Variants in PKP4 observed in about 807,000 individuals in gnomAD.
The protein encoded by PKP4 is plakophilin 4.
In PKP4, 90 loss-of-function variants were observed where a neutral mutation model predicts 145.1. The ratio of observed to expected loss-of-function variants is 0.62; its 90% CI spans 0.52 to 0.74. PKP4 has a LOEUF of 0.74. Among genes scored for constraint, PKP4 ranks in the 30% least tolerant of loss-of-function variants. The probability of loss-of-function intolerance (pLI) is 0.00; values close to 1 mark genes in which losing one functional copy is unlikely to be tolerated. For synonymous variants in PKP4, 563 were observed against 577.2 expected (o/e 0.98, Z 0.35); for missense variants, 1,340 against 1,482.7 (o/e 0.90, Z 1.58).
At chr2:158,561,793 C>CTTTTTTT (rs758042959) in intron 2 of PKP4, among the ~76,000 whole-genome samples, 12 of 145,274 alleles carry the variant, frequency 8.3e-5, no homozygotes, top group Admixed American at 1.4e-4. Context: ...TCAAGTCAGT[C>CTTTTTTT]TTTTTTTTTT....
At chr2:158,533,751 G>T (rs1255462576) in intron 2 of PKP4, among the ~76,000 whole-genome samples, 1 of 152,162 alleles carries the variant, frequency 6.6e-6, no homozygotes, top group African/African-American at 2.4e-5. Context: ...GGCTATATTT[G>T]TGTGTTTGTC....
At chr2:158,661,143 A>G (rs907413877) in intron 12 of PKP4, 190 bp from the exon 13 acceptor site, 2 of 510,032 alleles carry the variant, frequency 3.9e-6, no homozygotes, top group Non-Finnish European at 3.6e-6. Flanking sequence ...GTTCCCTTCC[A>G]TGTGTGGATA....
chr2:158,547,408 A>G (rs2045168152), intron 2 of PKP4, among the ~76,000 whole-genome samples: 1 of 152,228 alleles, frequency 6.6e-6, no homozygotes, highest in Admixed American at 6.5e-5. Flanking sequence ...GCCAAACATA[A>G]AAGAGTACGT....
At chr2:158,678,733 G>T in intron 21 of PKP4, 79 bp downstream of exon 21, 2 of 935,956 alleles carry the variant, frequency 2.1e-6, no homozygotes, top group African/African-American at 1.6e-5. Context: ...TGACTTCCCA[G>T]AGCTGGGCCA....
At chr2:158,606,261 C>T (rs751832905) in intron 4 of PKP4, among the ~76,000 whole-genome samples, 7 of 151,962 alleles carry the variant, frequency 4.6e-5, no homozygotes, top group Non-Finnish European at 1.0e-4. Flanking sequence ...ATGGTGTGAA[C>T]CCGAGAGGCA....
intron 1 of PKP4, among the ~76,000 whole-genome samples, chr2:158,476,333 GTTTTA>G (rs942593758): frequency 6.6e-6 from 1 of 151,996 alleles, no homozygotes; most frequent in Non-Finnish European, 1.5e-5. Flanking sequence ...TGATTTTTAA[GTTTTA>G]TTTTATTTTT....
chr2:158,577,521 T>G (rs1405153006), intron 3 of PKP4, 138 bp downstream of exon 3: 1 of 616,274 alleles, frequency 1.6e-6, no homozygotes, highest in Non-Finnish European at 2.9e-6. Flanking sequence ...AATGTCCATT[T>G]ATTCTAATTT....
chr2:158,654,565 C>A (rs755814802), intron 11 of PKP4, among the ~76,000 whole-genome samples: 1 of 152,092 alleles, frequency 6.6e-6, no homozygotes, highest in African/African-American at 2.4e-5. Flanking sequence ...TGTGACTTTT[C>A]CGATTCTGGG....
chr2:158,634,793 A>G (rs1313721770), intron 9 of PKP4, among the ~76,000 whole-genome samples: 1 of 152,208 alleles, frequency 6.6e-6, no homozygotes, highest in East Asian at 1.9e-4. Context: ...GACATTTAGG[A>G]GAAGACAGTC....
intron 3 of PKP4, among the ~76,000 whole-genome samples, chr2:158,602,416 A>G (rs1296982591): frequency 6.6e-6 from 1 of 152,194 alleles, no homozygotes; most frequent in South Asian, 2.1e-4. Flanking sequence ...TTGTTCCTGT[A>G]TTCTGCTACA....
intron 2 of PKP4, among the ~76,000 whole-genome samples, chr2:158,556,500 T>C (rs2046100921): frequency 6.7e-6 from 1 of 149,562 alleles, no homozygotes; most frequent in Non-Finnish European, 1.5e-5. Flanking sequence ...GATAGATAAA[T>C]GAAGCATTGT....
intron 2 of PKP4, among the ~76,000 whole-genome samples, chr2:158,570,424 C>A (rs1217701028): frequency 6.6e-6 from 1 of 152,180 alleles, no homozygotes; most frequent in Non-Finnish European, 1.5e-5. Flanking sequence ...CCTGCCCAAT[C>A]CCCTCTATCT....
Position 158,634,072 on chromosome 2 carries a change from G to C in PKP4, c.1345G>C (p.Gly449Arg). 2 of 1,571,378 alleles carry C rather than the reference G, an allele frequency of 1.3e-6. No homozygotes were observed. Among genetic ancestry groups the C allele is most frequent in the Non-Finnish European group, 1.8e-6 (2 of 1,141,184 alleles). ...QTALYRTGSV[G>R]IGNLQRTSSQ... ...TTTTCAAAATGTTGACTTTCTAGTA[G>C]GTATTGGAAATCTACAAAGGACATC... is the stretch of plus-strand genomic sequence containing the variant. The change falls in exon 9 of 22, where the codon GGT (glycine) becomes CGT (arginine). Residue 449 changes from glycine (G) to arginine (R), a missense_variant and splice_region_variant. Gly to Arg is a moderately radical substitution (Grantham distance 125). Transcript: ENST00000389759.
At chr2:158,477,670 A>C (rs1183648693) in intron 1 of PKP4, among the ~76,000 whole-genome samples, 4 of 152,204 alleles carry the variant, frequency 2.6e-5, no homozygotes, top group Non-Finnish European at 5.9e-5. Context: ...TTTCCTGGCA[A>C]CAATATCCTG....
intron 19 of PKP4, 90 bp from the exon 20 acceptor site, chr2:158,676,649 C>T: frequency 6.9e-7 from 1 of 1,456,860 alleles, no homozygotes; most frequent in Non-Finnish European, 9.6e-7. Context: ...AGTTACTGAG[C>T]TTTGTGTTTC....
chr2:158,625,056 A>G lies in PKP4; in HGVS notation c.782A>G (p.Tyr261Cys). The change falls in exon 7 of 22, where the codon TAT becomes TGT. Residue 261 changes from tyrosine (Y) to cysteine (C), a missense_variant. Coordinates refer to ENST00000389759, the MANE Select transcript of PKP4 (RefSeq NM_003628.6). Reference protein sequence around the residue: ...TDPRPLNPSAYSSTTLPAARA... With the variant: ...TDPRPLNPSACSSTTLPAARA... ...CCCCGACCTCTGAACCCCAGTGCATATTCCTCCACCACATTACCTGCTGCA... is the reference window on the plus strand; with the variant it reads ...CCCCGACCTCTGAACCCCAGTGCATGTTCCTCCACCACATTACCTGCTGCA... 1 of 1,614,102 alleles carries G rather than the reference A, an allele frequency of 6.2e-7. No individual in the cohort carries two copies. The highest frequency in any genetic ancestry group is 8.5e-7 in the Non-Finnish European group (1 of 1,180,006).
chr2:158,458,145 C>CG, intron 1 of PKP4: 1 of 153,030 alleles, frequency 6.5e-6, no homozygotes, highest in Non-Finnish European at 1.5e-5. Flanking sequence ...GTGTGTACAG[C>CG]GGGGGACGCG....
chr2:158,640,075 C>A (rs10180408), intron 9 of PKP4, among the ~76,000 whole-genome samples: 15,047 of 152,204 alleles, frequency 0.099, 839 homozygotes, highest in Middle Eastern at 0.17. Context: ...CAGCAGTAAT[C>A]CTGAATATAG....
At chr2:158,543,806 C>G (rs1005018506) in intron 2 of PKP4, among the ~76,000 whole-genome samples, 1 of 152,058 alleles carries the variant, frequency 6.6e-6, no homozygotes, top group African/African-American at 2.4e-5. Context: ...CACTGAGAGA[C>G]CAGGGTAGTT....
Sources: gnomAD v4.1 joint callset for allele counts (sites outside exome capture counted in the v4.1 genomes callset) on GRCh38, gnomAD v4.1.1 for gene constraint, MANE v1.5 for transcripts, NCBI Gene and HGNC (gene_info 2026-07-23, HGNC 2026-07-21) for gene names.